KIF17: variants seen among roughly 807,000 people sequenced by gnomAD.
KIF17 encodes kinesin family member 17.
Under a neutral mutation model 96.8 loss-of-function variants are expected in KIF17, and 80 were observed. The ratio of observed to expected loss-of-function variants is 0.83; its 90% CI spans 0.69 to 1.00. KIF17 has a LOEUF of 1.00. Ranked by LOEUF, KIF17 falls within the 50% of genes least tolerant of loss-of-function variation. KIF17 has a pLI of 0.00. For missense variants in KIF17, 1,280 were observed against 1,372.9 expected (o/e 0.93, Z 1.07); for synonymous variants, 567 against 587.5 (o/e 0.97, Z 0.51).
At position 20,704,914 on chromosome 1, in the gene KIF17, G is replaced by A. The variant is rs773467262; in HGVS notation, c.671-15C>T. The A allele has an allele frequency of 6.3e-6, 10 of 1,598,074 alleles. No individual in the cohort carries two copies. In the Admixed American group the frequency reaches 1.7e-4, roughly 27 times the overall value. On this transcript the variant is annotated splice_polypyrimidine_tract_variant and intron_variant, in intron 4 of 14. Transcript: ENST00000400463. This position sits in a 1 kb window ranked among gnomAD's most constrained non-coding sequence, Gnocchi z 6.8. ...GCCCCGCTCATCTGCACACAGACCA[G>A]GCAAAGTGGCGAGGGCCTCGGGTGA...
chr1:20,716,688 G>A lies in KIF17; in HGVS notation c.231+788C>T, dbSNP rs556956140. Among the ~76,000 whole-genome samples the A allele has an allele frequency of 3.9e-5, 6 of 152,282 alleles. No homozygotes were observed. In the East Asian group the frequency reaches 1.2e-3, roughly 29 times the overall value. Reference sequence around the variant, plus strand: ...GAGCAGGAGGGACTAGGGGAGGGGTGGAAGATGAGGCCTGGAAGGAAGAGA... The same window carrying A: ...GAGCAGGAGGGACTAGGGGAGGGGTAGAAGATGAGGCCTGGAAGGAAGAGA... On this transcript the variant is annotated intron_variant, in intron 1 of 14. Coordinates refer to ENST00000400463, the MANE Select transcript of KIF17 (RefSeq NM_001122819.3).
At chr1:20,698,327 T>C (rs2054177721) in intron 6 of KIF17, 52 bp downstream of exon 6, 2 of 1,328,354 alleles carry the variant, frequency 1.5e-6, no homozygotes, top group Non-Finnish European at 2.2e-6. Flanking sequence ...CCCTTCCCGC[T>C]GGGCCCCACC....
Position 20,709,714 on chromosome 1 carries a change from C to T in KIF17, c.595G>A (p.Gly199Ser), listed in dbSNP as rs369376665. Residue 199 changes from glycine (G) to serine (S), a missense_variant, in exon 4 of 15, where the codon GGC (glycine) becomes AGC (serine). Transcript: ENST00000400463. This position sits in a 1 kb window ranked among gnomAD's most constrained non-coding sequence, Gnocchi z 4.7. Reference protein sequence around the residue: ...METGWKNRSVGYTLMNKDSSR... With the variant: ...METGWKNRSVSYTLMNKDSSR... ...GAATCCTTGTTCATCAGCGTGTAGC[C>T]GACCGAACGGTTCTTCCAGCCAGTC... The T allele has an allele frequency of 1.9e-5, 30 of 1,614,010 alleles. No homozygotes were observed. The highest frequency in any genetic ancestry group is 3.3e-4 in the Middle Eastern group (2 of 6,062).
In KIF17 at chr1:20,703,551, G is replaced by C. The variant is rs1461911765; in HGVS notation, c.1123+896C>G. On this transcript the variant is annotated intron_variant, in intron 5 of 14. Transcript: ENST00000400463. The stretch of plus-strand genomic sequence containing the variant: ...GGATAGATGTATAGGTGGGTGAGTG[G>C]GTGGATGGATGGATGAGTGTGCAGA... 2.6e-5 allele frequency among the ~76,000 whole-genome samples: 4 copies of C among 151,470 alleles called. No homozygotes were observed. In the East Asian group the frequency reaches 7.8e-4, roughly 29 times the overall value.
intron 1 of KIF17, 110 bp downstream of exon 1, chr1:20,717,366 C>A (rs2054596048): frequency 1.6e-6 from 2 of 1,235,720 alleles, no homozygotes; most frequent in Non-Finnish European, 2.3e-6. Context: ...CGTCCGCCTG[C>A]GCCCCTCGAG....
At chr1:20,679,874 C>T (rs2154535559) in intron 11 of KIF17, among the ~76,000 whole-genome samples, 1 of 152,320 alleles carries the variant, frequency 6.6e-6, no homozygotes, top group East Asian at 1.9e-4. Flanking sequence ...AAGCCAGCCC[C>T]ACTGTACCTG....
Position 20,717,839 on chromosome 1 carries a change from CG to C in KIF17, c.-134del, listed in dbSNP as rs1331141319. On this transcript the variant is annotated 5_prime_UTR_variant, in exon 1 of 15. Transcript: ENST00000400463. ...CCTTGAGGCAGGGGCGGGGCCGCGG[CG>C]GGGGGCGGGGACCCCTCGGGGGGCG... 10 of 794,300 alleles carry C rather than the reference CG, an allele frequency of 1.3e-5. No homozygotes were observed. Among genetic ancestry groups the C allele is most frequent in the Admixed American group, 6.8e-5 (1 of 14,772 alleles). The allele number at this position is 794,300 out of a possible 1,614,324, so 49.2% of individuals were successfully genotyped here.
At chr1:20,715,994 C>T (rs1332182050) in intron 1 of KIF17, among the ~76,000 whole-genome samples, 5 of 152,194 alleles carry the variant, frequency 3.3e-5, no homozygotes, top group Admixed American at 6.5e-5. Flanking sequence ...TGCCTGTAAT[C>T]CCAGCACTTT....
chr1:20,698,419 A>G lies in KIF17; in HGVS notation c.1193T>C (p.Ile398Thr). ...CTTCTCGGCCTCCACGTCATGCTGGATCACAGGTTGGGGCAACAGCTTCTC... is the reference window on the plus strand; with the variant it reads ...CTTCTCGGCCTCCACGTCATGCTGGGTCACAGGTTGGGGCAACAGCTTCTC... ...VEEKLLPQPV[I>T]QHDVEAEKQL... Residue 398 changes from isoleucine (I) to threonine (T), a missense_variant, in exon 6 of 15, where the codon ATC becomes ACC. Physicochemically the swap from Ile to Thr is moderately conservative, Grantham distance 89. Transcript: ENST00000400463. 1 of 1,613,850 alleles carries G rather than the reference A, an allele frequency of 6.2e-7. No homozygotes were observed. The highest frequency in any genetic ancestry group is 1.1e-5 in the South Asian group (1 of 91,074).
At chr1:20,703,196 T>C (rs1409758583) in intron 5 of KIF17, among the ~76,000 whole-genome samples, 3 of 118,604 alleles carry the variant, frequency 2.5e-5, no homozygotes, top group African/African-American at 7.4e-5. Context: ...GACGGATGGA[T>C]GGGAGATGGA....
intron 5 of KIF17, among the ~76,000 whole-genome samples, chr1:20,701,477 C>T (rs2054235079): frequency 6.6e-6 from 1 of 152,092 alleles, no homozygotes; most frequent in Non-Finnish European, 1.5e-5. Context: ...CTGCAGGGTG[C>T]ATTTGGGAAG....
chr1:20,696,610 C>G (rs2054144576), intron 6 of KIF17, among the ~76,000 whole-genome samples: 1 of 152,086 alleles, frequency 6.6e-6, no homozygotes. Flanking sequence ...CAGGGGGAGG[C>G]AGTGCCCTAC....
chr1:20,670,980 A>G (rs1179304334), intron 12 of KIF17, among the ~76,000 whole-genome samples: 1 of 152,174 alleles, frequency 6.6e-6, no homozygotes, highest in African/African-American at 2.4e-5. Context: ...GAGGCTTTCA[A>G]GGTCATCTGA....
At position 20,704,837 on chromosome 1, in the gene KIF17, C is replaced by T. The variant is rs2054314189; in HGVS notation, c.733G>A (p.Glu245Lys). The T allele has an allele frequency of 1.2e-6, 2 of 1,605,178 alleles. No homozygotes were observed. The highest frequency in any genetic ancestry group is 8.5e-7 in the Non-Finnish European group (1 of 1,179,906). The change falls in exon 5 of 15, where the codon GAG becomes AAG. Residue 245 changes from glutamate (E) to lysine (K), a missense_variant. Glu to Lys is a moderately conservative substitution (Grantham distance 56). Transcript: ENST00000400463. The surrounding 1 kb of genome is among the most constrained non-coding windows in gnomAD (Gnocchi z 6.8). ...GTGGCCCCGGTCTTGGACTGCCGCTCGCTGCCCGCCAGGTCCACCAGGTTC... is the reference window on the plus strand; with the variant it reads ...GTGGCCCCGGTCTTGGACTGCCGCTTGCTGCCCGCCAGGTCCACCAGGTTC... ...KLNLVDLAGS[E>K]RQSKTGATGE...
rs141566878 is a variant in KIF17 at position 20,704,516 on chromosome 1, C to T, written c.1054G>A (p.Glu352Lys). The T allele has an allele frequency of 3.2e-5, 52 of 1,614,220 alleles. No homozygotes were observed. In the Admixed American group the frequency reaches 5.7e-4, roughly 18 times the overall value. ...NEDPKDALLR[E>K]YQEEIKKLKA... Reference sequence around the variant, plus strand: ...AGCTTCTTGATCTCCTCCTGGTACTCGCGAAGCAGCGCATCCTTGGGGTCC... The same window carrying T: ...AGCTTCTTGATCTCCTCCTGGTACTTGCGAAGCAGCGCATCCTTGGGGTCC... The change falls in exon 5 of 15, where the codon GAG (glutamate) becomes AAG (lysine). Residue 352 changes from glutamate (E) to lysine (K), a missense_variant. Transcript: ENST00000400463. This position sits in a 1 kb window ranked among gnomAD's most constrained non-coding sequence, Gnocchi z 6.8.
At chr1:20,674,083 C>A (rs2154535242) in intron 11 of KIF17, among the ~76,000 whole-genome samples, 1 of 152,026 alleles carries the variant, frequency 6.6e-6, no homozygotes, top group Admixed American at 6.6e-5. Context: ...TGTGAGCCAC[C>A]ACGCCTAGCT....
In KIF17 at chr1:20,699,487, A is replaced by G. The variant is rs1238598490; in HGVS notation, c.1124-999T>C. ...AGGCTGAGGCAGGAGGATTGCTTGAACCAGATGGGCGGAGGTTGCAGTGAG... is the reference window on the plus strand; with the variant it reads ...AGGCTGAGGCAGGAGGATTGCTTGAGCCAGATGGGCGGAGGTTGCAGTGAG... On this transcript the variant is annotated intron_variant, in intron 5 of 14. Coordinates refer to ENST00000400463, the MANE Select transcript of KIF17 (RefSeq NM_001122819.3). The surrounding 1 kb of genome is among the most constrained non-coding windows in gnomAD (Gnocchi z 4.3). Among the ~76,000 whole-genome samples, 1 of 152,168 alleles carries G rather than the reference A, an allele frequency of 6.6e-6. No individual in the cohort carries two copies. The highest frequency in any genetic ancestry group is 1.5e-5 in the Non-Finnish European group (1 of 68,038).
downstream of KIF17, among the ~76,000 whole-genome samples, chr1:20,663,751 C>T (rs1328656168): frequency 6.6e-6 from 1 of 152,196 alleles, no homozygotes; most frequent in Non-Finnish European, 1.5e-5. Flanking sequence ...AAAGCTGGGC[C>T]CTTTTCTGGC....
chr1:20,686,560 C>CT (rs1553150487), intron 8 of KIF17, among the ~76,000 whole-genome samples: 3 of 151,456 alleles, frequency 2.0e-5, no homozygotes, highest in South Asian at 4.2e-4. Flanking sequence ...GAAAATAGGA[C>CT]TTTTTTTTTC....
Sources: allele counts gnomAD v4.1 joint callset (sites outside exome capture counted in the v4.1 genomes callset), GRCh38; gene constraint gnomAD v4.1.1; non-coding constraint Gnocchi (gnomAD v3.1); transcripts MANE v1.5; gene names NCBI Gene and HGNC (gene_info 2026-07-23, HGNC 2026-07-21).